MACROD1: variants seen among roughly 807,000 people sequenced by gnomAD.
The protein encoded by MACROD1 is ADP-ribose glycohydrolase MACROD1.
Under a neutral mutation model 41.4 loss-of-function variants are expected in MACROD1, and 31 were observed. The ratio of observed to expected loss-of-function variants is 0.75; its 90% CI spans 0.56 to 1.01. MACROD1 has a LOEUF of 1.01. Ranked by LOEUF, MACROD1 falls within the 50% of genes least tolerant of loss-of-function variation. MACROD1 has a pLI of 0.00. For synonymous variants in MACROD1, 252 were observed against 203.4 expected (o/e 1.24, Z -2.03); for missense variants, 473 against 460.0 (o/e 1.03, Z -0.26).
chr11:64,007,808 C>CGGG (rs1942938163), intron 4 of MACROD1, among the ~76,000 whole-genome samples: 1 of 152,198 alleles, frequency 6.6e-6, no homozygotes, highest in South Asian at 2.1e-4. Flanking sequence ...GGGACAGGTG[C>CGGG]GGGGACTGCC....
rs1030256478 is a variant in MACROD1, at chr11:64,067,487, T to C, written c.518-52206A>G. Reference sequence around the variant, plus strand: ...AGCTCAGATAACAGAAGGGAGGAGATAGGTCGGGGACGGGGACAGACGGCA... The same window carrying C: ...AGCTCAGATAACAGAAGGGAGGAGACAGGTCGGGGACGGGGACAGACGGCA... On this transcript the variant is annotated intron_variant, in intron 3 of 10. Coordinates refer to ENST00000255681, the MANE Select transcript of MACROD1 (RefSeq NM_014067.4). This position sits in a 1 kb window ranked among gnomAD's most constrained non-coding sequence, Gnocchi z 4.6. Among the ~76,000 whole-genome samples the C allele has an allele frequency of 6.6e-6, 1 of 151,846 alleles. No homozygotes were observed. Among genetic ancestry groups the C allele is most frequent in the Non-Finnish European group, 1.5e-5 (1 of 67,920 alleles).
At chr11:64,145,055 C>T (rs924374115) in intron 3 of MACROD1, among the ~76,000 whole-genome samples, 7 of 152,174 alleles carry the variant, frequency 4.6e-5, no homozygotes, top group Non-Finnish European at 8.8e-5. Context: ...GCCCTCCAGG[C>T]GGCAGGAGAG....
intron 1 of MACROD1, among the ~76,000 whole-genome samples, chr11:64,163,768 G>T (rs1945792303): frequency 1.3e-5 from 2 of 152,298 alleles, no homozygotes; most frequent in Non-Finnish European, 2.9e-5. Context: ...GAGAATGCAG[G>T]TTTGCTGTTT....
chr11:64,053,675 G>C (rs894695241), intron 3 of MACROD1, among the ~76,000 whole-genome samples: 1 of 152,176 alleles, frequency 6.6e-6, no homozygotes, highest in African/African-American at 2.4e-5. Flanking sequence ...AGGTGTGACT[G>C]CCTGGGGGAA....
rs554871033 is a variant in MACROD1 at position 64,036,755 on chromosome 11, G to A, written c.518-21474C>T. On this transcript the variant is annotated intron_variant, in intron 3 of 10. Coordinates refer to ENST00000255681, the MANE Select transcript of MACROD1 (RefSeq NM_014067.4). This position sits in a 1 kb window ranked among gnomAD's most constrained non-coding sequence, Gnocchi z 5.6. ...CCTGAGCCGGGCGGGGGCTGGGGCC[G>A]TACACCTGGCGGCTGGAACGGTGAG... Among the ~76,000 whole-genome samples the A allele has an allele frequency of 2.6e-5, 4 of 152,328 alleles. No individual in the cohort carries two copies. The South Asian group carries it at 8.3e-4, about 32-fold the overall frequency.
At chr11:64,102,807 T>C (rs775884900) in intron 3 of MACROD1, among the ~76,000 whole-genome samples, 3 of 152,080 alleles carry the variant, frequency 2.0e-5, no homozygotes, top group African/African-American at 4.8e-5. Context: ...CAGTGGCTCA[T>C]GCCTGTAATC....
intron 3 of MACROD1, among the ~76,000 whole-genome samples, chr11:64,111,501 C>G (rs1243136743): frequency 4.6e-5 from 7 of 152,228 alleles, no homozygotes; most frequent in Admixed American, 1.3e-4. Flanking sequence ...ACGAGCCTGG[C>G]TCAGTGCAGA....
At chr11:64,035,705 G>GCCCT in intron 3 of MACROD1, among the ~76,000 whole-genome samples, 1 of 4,718 alleles carries the variant, frequency 2.1e-4, no homozygotes, top group African/African-American at 3.4e-4. Context: ...GCGCAGCGCG[G>GCCCT]CGCCCCCGTC....
intron 3 of MACROD1, among the ~76,000 whole-genome samples, chr11:64,057,912 C>T (rs752177661): frequency 6.6e-6 from 1 of 152,204 alleles, no homozygotes; most frequent in Non-Finnish European, 1.5e-5. Context: ...GGGTGCAACC[C>T]CAAAGCCAGT....
intron 3 of MACROD1, among the ~76,000 whole-genome samples, chr11:64,147,517 G>A (rs113237949): frequency 0.011 from 1,604 of 140,060 alleles, 13 homozygotes; most frequent in Non-Finnish European, 0.015. Context: ...CAGCCTCCTG[G>A]GTTCAAGTGA....
intron 1 of MACROD1, among the ~76,000 whole-genome samples, chr11:64,159,103 C>G (rs928729524): frequency 1.3e-5 from 2 of 151,920 alleles, no homozygotes; most frequent in Non-Finnish European, 2.9e-5. Context: ...AGGTGGATCA[C>G]GAGGTCAGGA....
intron 3 of MACROD1, among the ~76,000 whole-genome samples, chr11:64,100,531 C>T (rs575522886): frequency 3.6e-4 from 55 of 152,302 alleles, no homozygotes; most frequent in Non-Finnish European, 5.9e-4. Flanking sequence ...TCCACTCACT[C>T]GAGCCAGAAG....
At chr11:64,032,461 C>T (rs1387517199) in intron 3 of MACROD1, among the ~76,000 whole-genome samples, 3 of 152,096 alleles carry the variant, frequency 2.0e-5, no homozygotes, top group African/African-American at 7.2e-5. Context: ...GGGTAGATGG[C>T]AGCTGGAGAG....
At chr11:64,127,298 T>C (rs1422588463) in intron 3 of MACROD1, among the ~76,000 whole-genome samples, 1 of 152,270 alleles carries the variant, frequency 6.6e-6, no homozygotes, top group Non-Finnish European at 1.5e-5. Context: ...TACGGTCATC[T>C]CTTGCTGCTG....
chr11:64,141,772 G>C (rs1001691734), intron 3 of MACROD1, among the ~76,000 whole-genome samples: 1 of 152,208 alleles, frequency 6.6e-6, no homozygotes, highest in Non-Finnish European at 1.5e-5. Context: ...CGGGACACTG[G>C]GCACAGGGTA....
intron 1 of MACROD1, among the ~76,000 whole-genome samples, chr11:64,165,361 C>T (rs1945823361): frequency 1.3e-5 from 2 of 152,230 alleles, no homozygotes; most frequent in African/African-American, 4.8e-5. Flanking sequence ...CCTCAGTTTC[C>T]CTCCTGCACA....
At chr11:64,133,710 G>C (rs1945296212) in intron 3 of MACROD1, among the ~76,000 whole-genome samples, 1 of 152,198 alleles carries the variant, frequency 6.6e-6, no homozygotes, top group African/African-American at 2.4e-5. Context: ...CTGACTCTCA[G>C]ACAGGTTTTC....
chr11:64,160,007 C>G (rs1057498163), intron 1 of MACROD1, among the ~76,000 whole-genome samples: 1 of 152,076 alleles, frequency 6.6e-6, no homozygotes. Context: ...CAGGGGGAAG[C>G]TGAATTTGGC....
At chr11:64,032,442 C>A (rs765793210) in intron 3 of MACROD1, among the ~76,000 whole-genome samples, 1 of 152,098 alleles carries the variant, frequency 6.6e-6, no homozygotes, top group Non-Finnish European at 1.5e-5. Flanking sequence ...GATTTAGGGG[C>A]TCCAGAGAGG....
Sources: gnomAD v4.1 joint callset for allele counts (sites outside exome capture counted in the v4.1 genomes callset) on GRCh38, gnomAD v4.1.1 for gene constraint, Gnocchi (gnomAD v3.1) non-coding constraint, MANE v1.5 for transcripts, NCBI Gene and HGNC (gene_info 2026-07-23, HGNC 2026-07-21) for gene names.